ETNK1: variants seen among roughly 807,000 people sequenced by gnomAD.
ETNK1 encodes the protein putative protein product of Nbla10396.
A neutral mutation model predicts 45.1 loss-of-function variants in ETNK1; 8 were observed. The observed-to-expected ratio is 0.18, with a 90% confidence interval of 0.10 to 0.32. The LOEUF (loss-of-function observed/expected upper bound fraction) is 0.32, where lower values mean the gene tolerates loss of function less well. Among genes scored for constraint, ETNK1 ranks in the 10% least tolerant of loss-of-function variants. The pLI is 1.00. For missense variants in ETNK1, 302 were observed against 430.6 expected (o/e 0.70, Z 2.64); for synonymous variants, 152 against 151.9 (o/e 1.00, Z -0.01).
chr12:22,660,023 G>A (rs549660271), intron 3 of ETNK1, among the ~76,000 whole-genome samples: 12 of 138,826 alleles, frequency 8.6e-5, no homozygotes, highest in South Asian at 2.3e-4. Flanking sequence ...ATTTTCATTC[G>A]ACACTACCTT....
intron 1 of ETNK1, 40 bp downstream of exon 1, chr12:22,625,626 C>A: frequency 6.5e-7 from 1 of 1,528,930 alleles, no homozygotes; most frequent in Non-Finnish European, 8.8e-7. Context: ...TTATGCCCCT[C>A]ACGCGGCTCT....
At chr12:22,645,579 A>G (rs182370678) in intron 2 of ETNK1, among the ~76,000 whole-genome samples, 3 of 151,830 alleles carry the variant, frequency 2.0e-5, no homozygotes, top group African/African-American at 7.2e-5. Context: ...TTTTAAAAAT[A>G]TATTTTTTAT....
At position 22,630,548 on chromosome 12, in the gene ETNK1, G is replaced by GCTTA. The variant is rs199900437; in HGVS notation, c.156+4965_156+4968dup. Among the ~76,000 whole-genome samples the GCTTA allele has an allele frequency of 6.9e-4, 105 of 152,226 alleles. 2 individuals are homozygous for GCTTA. The East Asian group carries it at 0.018, about 26-fold the overall frequency. ...AGGCAATGAAGCTAGACTTTGAGTA[G>GCTTA]CTTACTCATCATTTAGGACATCATG... On this transcript the variant is annotated intron_variant, in intron 1 of 7. Coordinates refer to ENST00000266517, the MANE Select transcript of ETNK1 (RefSeq NM_018638.5).
intron 1 of ETNK1, among the ~76,000 whole-genome samples, chr12:22,633,523 C>T (rs1386000364): frequency 2.6e-5 from 4 of 152,164 alleles, no homozygotes; most frequent in South Asian, 2.1e-4. Flanking sequence ...ATTGCCGTGA[C>T]TATTCTTGAC....
chr12:22,651,233 C>A (rs1565441447), intron 2 of ETNK1, among the ~76,000 whole-genome samples: 1 of 152,186 alleles, frequency 6.6e-6, no homozygotes, highest in African/African-American at 2.4e-5. Flanking sequence ...CTGGTGGCCC[C>A]ACTTTAATCT....
At chr12:22,679,749 T>C (rs1035880684) in intron 6 of ETNK1, among the ~76,000 whole-genome samples, 3 of 151,292 alleles carry the variant, frequency 2.0e-5, no homozygotes, top group African/African-American at 7.3e-5. Flanking sequence ...CGCCCAGCCT[T>C]GAGTGCAGTG....
Position 22,644,012 on chromosome 12 carries a change from G to T in ETNK1, c.406G>T (p.Ala136Ser). ...ALDPKHVCNPAIFRLIARQLA... is the reference protein window; with the variant it reads ...ALDPKHVCNPSIFRLIARQLA... The stretch of plus-strand genomic sequence containing the variant: ...GGATCCAAAGCATGTCTGCAACCCA[G>T]CCATTTTCAGGTACATTTTCTTTTC... The change falls in exon 2 of 8, where the codon GCC (alanine) becomes TCC (serine). Residue 136 changes from alanine to serine, a missense_variant. Physicochemically the swap from Ala to Ser is moderately conservative, Grantham distance 99 (BLOSUM62 1). This residue lies in a region of ETNK1 where 205 missense variants were observed against 259.9 expected (regional missense o/e 0.79). Transcript: ENST00000266517. 6.3e-7 allele frequency: 1 copy of T among 1,586,424 alleles called. No individual in the cohort carries two copies. The highest frequency in any genetic ancestry group is 8.6e-7 in the Non-Finnish European group (1 of 1,163,038).
chr12:22,677,346 T>G (rs1358304998), intron 6 of ETNK1, among the ~76,000 whole-genome samples: 1 of 152,200 alleles, frequency 6.6e-6, no homozygotes, highest in Non-Finnish European at 1.5e-5. Flanking sequence ...TTCTGAGACC[T>G]CTGTTCTGTT....
chr12:22,631,109 G>T (rs1592109860), intron 1 of ETNK1, among the ~76,000 whole-genome samples: 1 of 151,898 alleles, frequency 6.6e-6, no homozygotes, highest in East Asian at 1.9e-4. Context: ...AGTTTAAAAA[G>T]ATGAGTTAGA....
chr12:22,680,894 C>A (rs1309302093), intron 6 of ETNK1, among the ~76,000 whole-genome samples: 10 of 50,516 alleles, frequency 2.0e-4, no homozygotes, highest in Admixed American at 1.1e-3. Context: ...TTTTCTTCCC[C>A]CGCCCCCCCC....
intron 2 of ETNK1, among the ~76,000 whole-genome samples, chr12:22,648,158 C>G (rs1953830407): frequency 6.6e-6 from 1 of 151,844 alleles, no homozygotes; most frequent in East Asian, 1.9e-4. Context: ...ACAACCTCCC[C>G]CATTATCAAT....
At chr12:22,645,069 G>A (rs1231192739) in intron 2 of ETNK1, among the ~76,000 whole-genome samples, 1 of 151,758 alleles carries the variant, frequency 6.6e-6, no homozygotes, top group East Asian at 1.9e-4. Flanking sequence ...TCTTTTACAT[G>A]AGTCTAGTCT....
chr12:22,690,350 A>G lies in ETNK1; in HGVS notation c.*5396A>G, dbSNP rs531536123. On this transcript the variant is annotated 3_prime_UTR_variant, in exon 8 of 8. Transcript: ENST00000266517. ...TTCTTGTTTCATATTTTCATGTTCA[A>G]AATTTAAGTTTTACATTTTTACTAC... 6.6e-6 allele frequency: 1 copy of G among 152,538 alleles called. No homozygotes were observed. Among genetic ancestry groups the G allele is most frequent in the African/African-American group, 2.4e-5 (1 of 41,452 alleles). The allele number at this position is 152,538 out of a possible 1,614,324, so 9.4% of individuals were successfully genotyped here. A position where few individuals can be genotyped will look rare whatever the true frequency, so the allele number is the denominator to read the frequency against.
chr12:22,657,601 T>G lies in ETNK1; in HGVS notation c.417-1413T>G, dbSNP rs1419906278. Among the ~76,000 whole-genome samples the G allele has an allele frequency of 2.1e-5, 3 of 140,860 alleles. No homozygotes were observed. The South Asian group carries it at 6.4e-4, about 30-fold the overall frequency. The allele number at this position is 140,860 out of a possible 152,430, so 92.4% of individuals were successfully genotyped here. A position where few individuals can be genotyped will look rare whatever the true frequency, so the allele number is the denominator to read the frequency against. On this transcript the variant is annotated intron_variant, in intron 2 of 7. Transcript: ENST00000266517. Reference sequence around the variant, plus strand: ...GTTTAACCACCCCAGGGGGAAAATTTTCCTAATTTTCTAATAGCTTCAAAC... The same window carrying G: ...GTTTAACCACCCCAGGGGGAAAATTGTCCTAATTTTCTAATAGCTTCAAAC...
chr12:22,671,282 G>A lies in ETNK1; in HGVS notation c.711G>A (p.Gln237=), dbSNP rs1226290447. 2 of 1,605,528 alleles carry A rather than the reference G, an allele frequency of 1.2e-6. No individual in the cohort carries two copies. Among genetic ancestry groups the A allele is most frequent in the Admixed American group, 1.7e-5 (1 of 59,966 alleles). The change falls in exon 5 of 8, where the codon CAG becomes CAA. Residue 237 remains glutamine (Q), a synonymous_variant. Transcript: ENST00000266517. The stretch of plus-strand genomic sequence containing the variant: ...TTGTGTCTCACATAGGTGATGTACA[G>A]TTCATTGATTATGAATATTCTGGAT... ...IIYNEKQGDV[Q]FIDYEYSGYN...
rs978756486 is a variant in ETNK1 at position 22,685,921 on chromosome 12, T to A, written c.*967T>A. 3.9e-5 allele frequency: 6 copies of A among 152,242 alleles called. No homozygotes were observed. Among genetic ancestry groups the A allele is most frequent in the African/African-American group, 1.4e-4 (6 of 41,426 alleles). 9.4% of individuals were successfully genotyped at this position (152,242 alleles called of 1,614,324 possible). ...TTAATTATTTTTTACCTATCCAGAGTCATTCCTTACATTTCAGTTTCATGT... is the reference window on the plus strand; with the variant it reads ...TTAATTATTTTTTACCTATCCAGAGACATTCCTTACATTTCAGTTTCATGT... On this transcript the variant is annotated 3_prime_UTR_variant, in exon 8 of 8. Coordinates refer to ENST00000266517, the MANE Select transcript of ETNK1 (RefSeq NM_018638.5).
chr12:22,682,518 A>G (rs539927864), intron 6 of ETNK1, among the ~76,000 whole-genome samples: 3 of 152,256 alleles, frequency 2.0e-5, no homozygotes, highest in East Asian at 1.9e-4. Flanking sequence ...TGAGACATCC[A>G]TTGTACTTTG....
intron 1 of ETNK1, among the ~76,000 whole-genome samples, chr12:22,629,488 C>G (rs1565860665): frequency 6.6e-6 from 1 of 151,960 alleles, no homozygotes; most frequent in East Asian, 1.9e-4. Context: ...AGGTAGTTAC[C>G]TAAATAATCT....
rs1436825408 is a variant in ETNK1 at position 22,687,263 on chromosome 12, C to T, written c.*2309C>T. The T allele has an allele frequency of 2.6e-5, 4 of 152,166 alleles. No individual in the cohort carries two copies. The highest frequency in any genetic ancestry group is 5.9e-5 in the Non-Finnish European group (4 of 67,752). 9.4% of individuals were successfully genotyped at this position (152,166 alleles called of 1,614,324 possible). On this transcript the variant is annotated 3_prime_UTR_variant, in exon 8 of 8. Coordinates refer to ENST00000266517, the MANE Select transcript of ETNK1 (RefSeq NM_018638.5). Reference sequence around the variant, plus strand: ...AGTAATAGGATTCAGAATTGCTTCCCTTTTATATCGACCATGTAAGGGATT... The same window carrying T: ...AGTAATAGGATTCAGAATTGCTTCCTTTTTATATCGACCATGTAAGGGATT...
Sources: allele counts gnomAD v4.1 joint callset (sites outside exome capture counted in the v4.1 genomes callset), GRCh38; gene constraint gnomAD v4.1.1; regional missense constraint gnomAD v4.1.1; transcripts MANE v1.5; gene names NCBI Gene and HGNC (gene_info 2026-07-23, HGNC 2026-07-21).